The following MAP2K5 variants were observed in gnomAD, a reference collection of about 807,000 sequenced individuals.
MAP2K5 encodes dual specificity mitogen-activated protein kinase kinase 5.
A neutral mutation model predicts 83.1 loss-of-function variants in MAP2K5; 49 were observed. That is an observed-to-expected ratio of 0.59 (90% confidence interval 0.47 to 0.75). The LOEUF is 0.75. Ranked by LOEUF, MAP2K5 falls within the 30% of genes least tolerant of loss-of-function variation. The pLI, the probability that MAP2K5 is intolerant of heterozygous loss-of-function variation, is 0.00. For missense variants in MAP2K5, 457 were observed against 557.5 expected, an observed-to-expected ratio of 0.82 and a Z score of 1.82; for synonymous variants, 202 against 191.8, an observed-to-expected ratio of 1.05 and a Z score of -0.44.
chr15:67,585,588 GA>G (rs1299463244), intron 4 of MAP2K5, among the ~76,000 whole-genome samples: 1 of 152,160 alleles, frequency 6.6e-6, no homozygotes, highest in East Asian at 1.9e-4. Context: ...ACAGATTGCA[GA>G]AATTTGAATT....
At chr15:67,603,844 G>A (rs1567303782) in intron 8 of MAP2K5, among the ~76,000 whole-genome samples, 1 of 152,130 alleles carries the variant, frequency 6.6e-6, no homozygotes, top group African/African-American at 2.4e-5. Flanking sequence ...TTACATTATA[G>A]GCTATGCTAC....
intron 16 of MAP2K5, among the ~76,000 whole-genome samples, chr15:67,723,096 A>G (rs1475415826): frequency 6.6e-6 from 1 of 152,144 alleles, no homozygotes; most frequent in African/African-American, 2.4e-5. Context: ...TGTGTCCTGC[A>G]CTTGTTTTCT....
At position 67,719,890 on chromosome 15, in the gene MAP2K5, C is replaced by T. The variant is rs767243115; in HGVS notation, c.1045-8026C>T. 1.2e-4 allele frequency among the ~76,000 whole-genome samples: 18 copies of T among 152,306 alleles called. No individual in the cohort carries two copies. The highest frequency in any genetic ancestry group is 1.9e-4 in the Non-Finnish European group (13 of 68,020). On this transcript the variant is annotated intron_variant, in intron 16 of 21. Transcript: ENST00000178640. This position sits in a 1 kb window ranked among gnomAD's most constrained non-coding sequence, Gnocchi z 4.6. Reference sequence around the variant, plus strand: ...TGTCTCTTTAACTCAGAGTCTCTCACGAATTTCCTCTCAGTGCACAGAATA... The same window carrying T: ...TGTCTCTTTAACTCAGAGTCTCTCATGAATTTCCTCTCAGTGCACAGAATA...
chr15:67,772,793 A>G (rs2090167323), intron 21 of MAP2K5, 41 bp downstream of exon 21: 1 of 1,505,186 alleles, frequency 6.6e-7, no homozygotes, highest in Non-Finnish European at 9.1e-7. Context: ...TCTCAGTTAT[A>G]TATTTATGTT....
intron 11 of MAP2K5, among the ~76,000 whole-genome samples, chr15:67,651,870 A>G (rs761539183): frequency 6.6e-6 from 1 of 152,250 alleles, no homozygotes; most frequent in Non-Finnish European, 1.5e-5. Context: ...TTTTGGATAT[A>G]TACCCAATGG....
Position 67,769,521 on chromosome 15 carries a change from C to T in MAP2K5, c.1135-81C>T, listed in dbSNP as rs1352640682. 2.4e-6 allele frequency: 3 copies of T among 1,232,098 alleles called. No individual in the cohort carries two copies. In the Admixed American group the frequency reaches 5.2e-5, roughly 21 times the overall value. The allele number at this position is 1,232,098 out of a possible 1,614,324, so 76.3% of individuals were successfully genotyped here. A position where few individuals can be genotyped will look rare whatever the true frequency, so the allele number is the denominator to read the frequency against. ...CATTGTATTCATCTTTATACTCATC[C>T]TTCACATGGGTGGGTGGGGAATATA... On this transcript the variant is annotated intron_variant, in intron 19 of 21. Transcript: ENST00000178640. This position sits in a 1 kb window ranked among gnomAD's most constrained non-coding sequence, Gnocchi z 5.2.
intron 13 of MAP2K5, among the ~76,000 whole-genome samples, chr15:67,670,118 A>T (rs972361956): frequency 4.6e-5 from 7 of 152,174 alleles, no homozygotes; most frequent in Admixed American, 1.3e-4. Context: ...GCAATAAAAC[A>T]AGCTACTGTT....
At chr15:67,671,211 A>G (rs1300447699) in intron 13 of MAP2K5, among the ~76,000 whole-genome samples, 4 of 152,230 alleles carry the variant, frequency 2.6e-5, no homozygotes, top group Admixed American at 6.5e-5. Flanking sequence ...AAGGTGGGGA[A>G]CAAAGAAAAT....
chr15:67,785,356 T>C lies in MAP2K5; in HGVS notation c.1242+12604T>C, dbSNP rs1289047738. Among the ~76,000 whole-genome samples the C allele has an allele frequency of 1.3e-5, 2 of 152,198 alleles. No homozygotes were observed. The highest frequency in any genetic ancestry group is 2.9e-5 in the Non-Finnish European group (2 of 68,034). ...TTCAGCTTTTTGGAGCAAAACGTTGTGAGCGAAGAAAGCTGTTTGCGGTTC... is the reference window on the plus strand; with the variant it reads ...TTCAGCTTTTTGGAGCAAAACGTTGCGAGCGAAGAAAGCTGTTTGCGGTTC... On this transcript the variant is annotated intron_variant, in intron 21 of 21. Transcript: ENST00000178640. The surrounding 1 kb of genome is among the most constrained non-coding windows in gnomAD (Gnocchi z 4.4).
intron 13 of MAP2K5, among the ~76,000 whole-genome samples, chr15:67,679,513 C>T (rs986804379): frequency 1.6e-4 from 24 of 152,004 alleles, no homozygotes; most frequent in African/African-American, 5.3e-4. Context: ...TAGACATAGC[C>T]TTACTCATTT....
chr15:67,647,422 T>C (rs1001037942), intron 11 of MAP2K5, among the ~76,000 whole-genome samples: 3 of 152,214 alleles, frequency 2.0e-5, no homozygotes, highest in African/African-American at 7.2e-5. Flanking sequence ...ATTCTTTCTT[T>C]GAAGTCTTCA....
intron 8 of MAP2K5, among the ~76,000 whole-genome samples, chr15:67,629,596 G>A (rs1272922757): frequency 2.6e-5 from 4 of 152,038 alleles, no homozygotes; most frequent in Non-Finnish European, 5.9e-5. Context: ...AAGTTTAGGG[G>A]CTCATTAAAT....
intron 19 of MAP2K5, among the ~76,000 whole-genome samples, chr15:67,752,570 C>T (rs905184157): frequency 1.3e-5 from 2 of 151,110 alleles, no homozygotes; most frequent in Non-Finnish European, 1.5e-5. Flanking sequence ...CCCCACTATT[C>T]GGGAGGCTGA....
chr15:67,706,282 A>T (rs577700329), intron 16 of MAP2K5, among the ~76,000 whole-genome samples: 1 of 152,338 alleles, frequency 6.6e-6, no homozygotes, highest in South Asian at 2.1e-4. Context: ...TCTGTTGATG[A>T]TATTCATTTA....
At chr15:67,661,167 A>G (rs915963380) in intron 12 of MAP2K5, among the ~76,000 whole-genome samples, 44 of 151,990 alleles carry the variant, frequency 2.9e-4, no homozygotes, top group African/African-American at 1.0e-3. Flanking sequence ...TTTTCCCCCA[A>G]AGGAATTTAT....
In MAP2K5 at chr15:67,628,809, A is replaced by G. The variant is rs546649651; in HGVS notation, c.546-2079A>G. On this transcript the variant is annotated intron_variant, in intron 8 of 21. Coordinates refer to ENST00000178640, the MANE Select transcript of MAP2K5 (RefSeq NM_145160.3). Reference sequence around the variant, plus strand: ...TGTGGAGGTGTTTTTAGTGGGAATGACAATTTTGGTCATGGACGAAACTTC... The same window carrying G: ...TGTGGAGGTGTTTTTAGTGGGAATGGCAATTTTGGTCATGGACGAAACTTC... 6 of 750,936 alleles carry G rather than the reference A, an allele frequency of 8.0e-6. No homozygotes were observed. The African/African-American group carries it at 8.5e-5, about 11-fold the overall frequency. The allele number at this position is 750,936 out of a possible 1,614,324, so 46.5% of individuals were successfully genotyped here.
chr15:67,553,592 C>T (rs12905371), intron 2 of MAP2K5, among the ~76,000 whole-genome samples: 36,215 of 152,056 alleles, frequency 0.24, 5,139 homozygotes, highest in East Asian at 0.5. Context: ...AACCAGAAAT[C>T]CGAACCAATA....
intron 16 of MAP2K5, among the ~76,000 whole-genome samples, chr15:67,726,363 T>C (rs970573753): frequency 4.6e-5 from 7 of 152,246 alleles, no homozygotes. Flanking sequence ...TATTTAGTTT[T>C]TGTATGTGGC....
intron 16 of MAP2K5, among the ~76,000 whole-genome samples, chr15:67,710,497 GTTTTT>G (rs10609519): frequency 2.2e-3 from 182 of 81,032 alleles, no homozygotes; most frequent in African/African-American, 8.2e-3. Flanking sequence ...ATCTTCTGAA[GTTTTT>G]TTTTTTTTTT....
Sources: gnomAD v4.1 joint callset for allele counts (sites outside exome capture counted in the v4.1 genomes callset) on GRCh38, gnomAD v4.1.1 for gene constraint, Gnocchi (gnomAD v3.1) non-coding constraint, MANE v1.5 for transcripts, NCBI Gene and HGNC (gene_info 2026-07-23, HGNC 2026-07-21) for gene names.